The following MRTFB variants were observed in gnomAD, a reference collection of about 807,000 sequenced individuals.
MRTFB encodes myocardin-related transcription factor B.
MRTFB carries 29 observed loss-of-function variants against 104.2 expected under a neutral mutation model. That is an observed-to-expected ratio of 0.28 (90% CI 0.21 to 0.38). MRTFB has a LOEUF of 0.38. Among genes scored for constraint, MRTFB ranks in the 10% least tolerant of loss-of-function variants. MRTFB has a pLI of 1.00. For synonymous variants in MRTFB, 535 were observed against 519.5 expected (o/e 1.03, Z -0.41); for missense variants, 1,270 against 1,341.6 (o/e 0.95, Z 0.83).
In MRTFB at chr16:14,092,932, G is replaced by C. The variant is rs183899361; in HGVS notation, c.-64+13578G>C. 28 of 152,294 alleles carry C rather than the reference G, an allele frequency of 1.8e-4. No homozygotes were observed. The East Asian group carries it at 4.8e-3, about 26-fold the overall frequency. 9.4% of individuals were successfully genotyped at this position (152,294 alleles called of 1,614,324 possible). On this transcript the variant is annotated intron_variant, in intron 2 of 16. Transcript: ENST00000571589. ...CTTAAATTTTGTAGTCTAAATAGCAGATGTTAACTTAGTTTCATCTTTTAT... is the reference window on the plus strand; with the variant it reads ...CTTAAATTTTGTAGTCTAAATAGCACATGTTAACTTAGTTTCATCTTTTAT...
At chr16:13,998,857 G>T in the MRTFB span, among the ~76,000 whole-genome samples, 2 of 111,086 alleles carry the variant, frequency 1.8e-5, no homozygotes, top group Non-Finnish European at 3.4e-5. Context: ...GAGTGACAGA[G>T]TGAGACTCTG....
intron 2 of MRTFB, among the ~76,000 whole-genome samples, chr16:14,137,414 T>C (rs558333449): frequency 6.6e-6 from 1 of 152,258 alleles, no homozygotes; most frequent in African/African-American, 2.4e-5. Context: ...GAAGAACAGA[T>C]TATACTGCAT....
intron 3 of MRTFB, among the ~76,000 whole-genome samples, chr16:14,209,703 C>T (rs947697454): frequency 5.3e-5 from 8 of 152,154 alleles, no homozygotes; most frequent in African/African-American, 1.9e-4. Flanking sequence ...TACATGGTAT[C>T]ATGTTTGTGC....
intron 5 of MRTFB, among the ~76,000 whole-genome samples, 183 bp from the exon 6 acceptor site, chr16:14,213,362 A>G (rs946245027): frequency 2.6e-5 from 4 of 152,216 alleles, no homozygotes; most frequent in East Asian, 1.9e-4. Flanking sequence ...TCTGTGTACA[A>G]TTTTGAAGGC....
Position 14,124,407 on chromosome 16 carries a change from T to TAGCCAATTTCAATAGTAAGAGCA in MRTFB, c.-63-16136_-63-16135insGCCAATTTCAATAGTAAGAGCAA, listed in dbSNP as rs2037005086. Among the ~76,000 whole-genome samples the TAGCCAATTTCAATAGTAAGAGCA allele has an allele frequency of 2.0e-5, 3 of 152,332 alleles. No individual in the cohort carries two copies. In the South Asian group the frequency reaches 6.2e-4, roughly 32 times the overall value. On this transcript the variant is annotated intron_variant, in intron 2 of 16. Transcript: ENST00000571589. ...TATGATATTGGCTATGGATTTGTCA[T>TAGCCAATTTCAATAGTAAGAGCA]AAGTAGCTCTTACTATTTTGAGATA...
chr16:14,228,713 A>G (rs570738076), intron 8 of MRTFB, among the ~76,000 whole-genome samples: 9 of 152,376 alleles, frequency 5.9e-5, no homozygotes, highest in East Asian at 5.8e-4. Context: ...AAAATGTGCT[A>G]TATTTATACG....
rs1407949144 is a variant in MRTFB at position 14,213,626 on chromosome 16, G to A, written c.352+6G>A. ...CAGGATGCACATTTTAGAAGGTAAA[G>A]GATTTATTTCTTCTTAATCTGCTGT... is the stretch of plus-strand genomic sequence containing the variant. On this transcript the variant is annotated splice_donor_region_variant and intron_variant, in intron 6 of 16. Coordinates refer to ENST00000571589, the MANE Select transcript of MRTFB (RefSeq NM_001308142.2). The A allele has an allele frequency of 6.4e-7, 1 of 1,567,978 alleles. No homozygotes were observed. The highest frequency in any genetic ancestry group is 2.3e-5 in the East Asian group (1 of 43,724).
chr16:14,031,540 A>C, the MRTFB span, among the ~76,000 whole-genome samples: 1 of 152,128 alleles, frequency 6.6e-6, no homozygotes, highest in Non-Finnish European at 1.5e-5. Context: ...TCCTTTTAGC[A>C]CATAGAAAAT....
At chr16:14,078,682 G>C (rs984684743) in intron 1 of MRTFB, among the ~76,000 whole-genome samples, 2 of 151,132 alleles carry the variant, frequency 1.3e-5, no homozygotes, top group South Asian at 4.2e-4. Flanking sequence ...TGCCCACCTT[G>C]GCCTCACCAA....
chr16:14,159,878 C>T (rs1328745595), intron 3 of MRTFB, among the ~76,000 whole-genome samples: 2 of 138,312 alleles, frequency 1.4e-5, no homozygotes, highest in African/African-American at 5.5e-5. Flanking sequence ...TGCAGTGAGC[C>T]GAGATCCCGC....
chr16:14,049,626 G>C, the MRTFB span, among the ~76,000 whole-genome samples: 2 of 152,236 alleles, frequency 1.3e-5, no homozygotes, highest in African/African-American at 4.8e-5. Context: ...CTTTGAATAT[G>C]GATTGTATAT....
Position 14,177,903 on chromosome 16 carries a change from GGTGTGTGTGTGT to G in MRTFB, c.155-32318_155-32307del, listed in dbSNP as rs142062484. On this transcript the variant is annotated intron_variant, in intron 3 of 16. Transcript: ENST00000571589. This position sits in a 1 kb window ranked among gnomAD's most constrained non-coding sequence, Gnocchi z 4.7. ...CGAGAAGTACATGAACCAGAGGTAG[GGTGTGTGTGTGT>G]GTGTGTGTGTGTGTGTGTGTGCACG... Among the ~76,000 whole-genome samples, 1 of 145,962 alleles carries G rather than the reference GGTGTGTGTGTGT, an allele frequency of 6.9e-6. No homozygotes were observed. Among genetic ancestry groups the G allele is most frequent in the Non-Finnish European group, 1.5e-5 (1 of 65,844 alleles).
intron 3 of MRTFB, among the ~76,000 whole-genome samples, chr16:14,162,879 T>C (rs1350774310): frequency 2.0e-5 from 3 of 152,356 alleles, no homozygotes; most frequent in Middle Eastern, 3.4e-3. Flanking sequence ...ATGTCTATTA[T>C]ACTAAAATAG....
chr16:14,195,806 A>G (rs2040407716), intron 3 of MRTFB, among the ~76,000 whole-genome samples: 1 of 152,096 alleles, frequency 6.6e-6, no homozygotes, highest in Non-Finnish European at 1.5e-5. Context: ...GGAGTGTAGA[A>G]TTTTTTATTG....
the MRTFB span, among the ~76,000 whole-genome samples, chr16:14,028,841 G>T: frequency 1.3e-5 from 1 of 77,142 alleles, no homozygotes; most frequent in Non-Finnish European, 3.7e-5. Context: ...CAGGCAGATT[G>T]TTTGTGCTCA....
the MRTFB span, among the ~76,000 whole-genome samples, chr16:14,058,645 T>C: frequency 8.5e-5 from 13 of 152,170 alleles, no homozygotes; most frequent in African/African-American, 3.1e-4. Context: ...TTCTTCTGTG[T>C]GGTCTTACTG....
intron 2 of MRTFB, among the ~76,000 whole-genome samples, chr16:14,128,658 C>T (rs1340728447): frequency 6.6e-6 from 1 of 152,178 alleles, no homozygotes; most frequent in African/African-American, 2.4e-5. Flanking sequence ...GAGAGAGCTT[C>T]CTCATTCTTC....
At position 14,233,781 on chromosome 16, in the gene MRTFB, C is replaced by CAAAAAAAA. The variant is rs1007606658; in HGVS notation, c.694-349_694-342dup. Among the ~76,000 whole-genome samples, 77 of 49,990 alleles carry CAAAAAAAA rather than the reference C, an allele frequency of 1.5e-3. 1 individual carries two copies. The highest frequency in any genetic ancestry group is 1.3e-3 in the Non-Finnish European group (32 of 23,966). 32.8% of individuals were successfully genotyped at this position (49,990 alleles called of 152,430 possible). A position where few individuals can be genotyped will look rare whatever the true frequency, so the allele number is the denominator to read the frequency against. On this transcript the variant is annotated intron_variant, in intron 8 of 16. Coordinates refer to ENST00000571589, the MANE Select transcript of MRTFB (RefSeq NM_001308142.2). ...TTCCAGCCTGAGTGAGACTCCCTCT[C>CAAAAAAAA]AAAAAAAAAAAAAAAAAAAAAAAGA...
chr16:14,165,090 C>T (rs2039186792), intron 3 of MRTFB, among the ~76,000 whole-genome samples: 1 of 151,586 alleles, frequency 6.6e-6, no homozygotes, highest in African/African-American at 2.4e-5. Flanking sequence ...AAACAGTTTC[C>T]GTGATGAATC....
Sources: gnomAD v4.1 joint callset for allele counts (sites outside exome capture counted in the v4.1 genomes callset) on GRCh38, gnomAD v4.1.1 for gene constraint, Gnocchi (gnomAD v3.1) non-coding constraint, MANE v1.5 for transcripts, NCBI Gene and HGNC (gene_info 2026-07-23, HGNC 2026-07-21) for gene names.